The following CNTNAP2 variants were observed in gnomAD, a reference collection of about 807,000 sequenced individuals.
CNTNAP2 encodes the protein contactin associated protein 2.
Under a neutral mutation model 155.2 loss-of-function variants are expected in CNTNAP2, and 98 were observed. The observed-to-expected ratio is 0.63, with a 90% CI of 0.54 to 0.75. The LOEUF is 0.75. Ranked by LOEUF, CNTNAP2 falls within the 30% of genes least tolerant of loss-of-function variation. CNTNAP2 has a pLI of 0.00. For missense variants in CNTNAP2, 1,727 were observed against 1,688.1 expected, an observed-to-expected ratio of 1.02 and a Z score of -0.40; for synonymous variants, 651 against 631.2, an observed-to-expected ratio of 1.03 and a Z score of -0.47.
In CNTNAP2 at chr7:148,417,364, T is replaced by C. The variant is rs1204423409; in HGVS notation, c.*1748T>C. 2.6e-5 allele frequency: 4 copies of C among 152,618 alleles called. No individual in the cohort carries two copies. The highest frequency in any genetic ancestry group is 9.7e-5 in the African/African-American group (4 of 41,448). 9.5% of individuals were successfully genotyped at this position (152,618 alleles called of 1,614,324 possible). A position where few individuals can be genotyped will look rare whatever the true frequency, so the allele number is the denominator to read the frequency against. ...GCACATTACACCAGTACAGAGCACA[T>C]TCCAAAGGAGACATTGGACCAGTTA... is the stretch of plus-strand genomic sequence containing the variant. On this transcript the variant is annotated 3_prime_UTR_variant, in exon 24 of 24. Coordinates refer to ENST00000361727, the MANE Select transcript of CNTNAP2 (RefSeq NM_014141.6).
At chr7:147,460,543 G>C (rs1439777719) in intron 10 of CNTNAP2, among the ~76,000 whole-genome samples, 4 of 152,058 alleles carry the variant, frequency 2.6e-5, no homozygotes, top group African/African-American at 9.7e-5. Flanking sequence ...ATCTGGTTTA[G>C]ACTTCCCCCT....
chr7:146,475,465 A>C (rs1307997041), intron 1 of CNTNAP2, among the ~76,000 whole-genome samples: 1 of 152,214 alleles, frequency 6.6e-6, no homozygotes, highest in African/African-American at 2.4e-5. Context: ...GCAGAAAAAA[A>C]TATAGAGTGC....
chr7:147,024,042 G>A (rs1380058551), intron 3 of CNTNAP2, among the ~76,000 whole-genome samples: 1 of 152,100 alleles, frequency 6.6e-6, no homozygotes, highest in South Asian at 2.1e-4. Context: ...TTTAGATATA[G>A]TCTTTTTTGT....
chr7:147,807,060 C>T (rs1328657740), intron 13 of CNTNAP2, among the ~76,000 whole-genome samples: 1 of 152,026 alleles, frequency 6.6e-6, no homozygotes, highest in Non-Finnish European at 1.5e-5. Context: ...GCCTGTAATC[C>T]TAGCACTTTG....
At chr7:146,239,774 C>T (rs992803081) in intron 1 of CNTNAP2, among the ~76,000 whole-genome samples, 2 of 152,134 alleles carry the variant, frequency 1.3e-5, no homozygotes, top group African/African-American at 4.8e-5. Context: ...GTAAATATCA[C>T]ATATCAGGCA....
chr7:147,283,665 A>G (rs1318611071), intron 8 of CNTNAP2, among the ~76,000 whole-genome samples: 1 of 151,914 alleles, frequency 6.6e-6, no homozygotes, highest in Non-Finnish European at 1.5e-5. Flanking sequence ...TTTGTGGGGT[A>G]TTGCTGGATG....
intron 18 of CNTNAP2, among the ~76,000 whole-genome samples, chr7:148,194,701 A>G (rs1268998945): frequency 6.6e-6 from 1 of 152,098 alleles, no homozygotes; most frequent in Non-Finnish European, 1.5e-5. Flanking sequence ...GAACTGAAGG[A>G]AGTGGGGTGG....
At chr7:147,416,963 C>T (rs937876908) in intron 10 of CNTNAP2, among the ~76,000 whole-genome samples, 2 of 151,918 alleles carry the variant, frequency 1.3e-5, no homozygotes, top group African/African-American at 2.4e-5. Context: ...GTGGTGTGCA[C>T]CTATAATCCC....
At chr7:147,461,335 G>T (rs2888503) in intron 10 of CNTNAP2, among the ~76,000 whole-genome samples, 120,906 of 151,492 alleles carry the variant, frequency 0.8, 48,867 homozygotes, top group African/African-American at 0.94. Flanking sequence ...GAAAAAAAAT[G>T]GTTTCAAAAA....
intron 13 of CNTNAP2, among the ~76,000 whole-genome samples, chr7:147,840,849 T>TA (rs1393791310): frequency 2.0e-5 from 3 of 152,046 alleles, no homozygotes; most frequent in African/African-American, 7.3e-5. Flanking sequence ...AGTAGAATCA[T>TA]AAATCTTCTC....
At chr7:147,574,137 A>G (rs1800345046) in intron 12 of CNTNAP2, among the ~76,000 whole-genome samples, 1 of 152,132 alleles carries the variant, frequency 6.6e-6, no homozygotes, top group Admixed American at 6.6e-5. Flanking sequence ...GTTTTAAATC[A>G]GAGTTCTTTT....
chr7:146,294,645 CTT>C (rs1800483958), intron 1 of CNTNAP2, among the ~76,000 whole-genome samples: 2 of 152,312 alleles, frequency 1.3e-5, no homozygotes, highest in South Asian at 4.1e-4. Context: ...ATAATGATGA[CTT>C]TACTTTTCAG....
intron 13 of CNTNAP2, among the ~76,000 whole-genome samples, chr7:147,709,712 C>G (rs552181192): frequency 6.6e-6 from 1 of 152,246 alleles, no homozygotes; most frequent in East Asian, 1.9e-4. Context: ...ACAAACCTGT[C>G]TAGGTACTGA....
At chr7:148,385,746 T>TGTTTGTTTGTTTG (rs1167243164) in intron 22 of CNTNAP2, among the ~76,000 whole-genome samples, 8 of 103,740 alleles carry the variant, frequency 7.7e-5, no homozygotes, top group African/African-American at 2.9e-4. Context: ...GTTTTTTTTT[T>TGTTTGTTTGTTTG]TTTTTTTTTT....
chr7:147,145,204 A>T (rs568493121), intron 8 of CNTNAP2, among the ~76,000 whole-genome samples: 3 of 152,306 alleles, frequency 2.0e-5, no homozygotes, highest in African/African-American at 7.2e-5. Flanking sequence ...AACCATGACA[A>T]ATAATGCAGG....
At chr7:148,204,199 T>C (rs1795411151) in intron 18 of CNTNAP2, among the ~76,000 whole-genome samples, 1 of 152,220 alleles carries the variant, frequency 6.6e-6, no homozygotes. Flanking sequence ...AGACTGCCGA[T>C]ACGATGTGGC....
intron 10 of CNTNAP2, among the ~76,000 whole-genome samples, chr7:147,465,764 T>A (rs991907125): frequency 6.6e-6 from 1 of 152,212 alleles, no homozygotes; most frequent in African/African-American, 2.4e-5. Flanking sequence ...CCCAAAGTCA[T>A]GGGAGACTTA....
intron 1 of CNTNAP2, among the ~76,000 whole-genome samples, chr7:146,470,362 A>G (rs1379045422): frequency 6.6e-6 from 1 of 152,152 alleles, no homozygotes; most frequent in East Asian, 1.9e-4. Context: ...ATAATAAATA[A>G]ACATCATTAA....
intron 20 of CNTNAP2, among the ~76,000 whole-genome samples, chr7:148,258,450 G>A (rs1267495397): frequency 6.6e-6 from 1 of 152,192 alleles, no homozygotes; most frequent in African/African-American, 2.4e-5. Flanking sequence ...ACGTATCCTT[G>A]ATACTGGGGT....
Sources: allele counts gnomAD v4.1 joint callset (sites outside exome capture counted in the v4.1 genomes callset), GRCh38; gene constraint gnomAD v4.1.1; transcripts MANE v1.5; gene names NCBI Gene and HGNC (gene_info 2026-07-23, HGNC 2026-07-21).